Variants in DNAI4 observed in about 807,000 individuals in gnomAD.
DNAI4 encodes the protein dynein axonemal intermediate chain 4.
Under a neutral mutation model 105.8 loss-of-function variants are expected in DNAI4, and 85 were observed. The observed-to-expected ratio is 0.80, with a 90% confidence interval of 0.67 to 0.96. The LOEUF (loss-of-function observed/expected upper bound fraction) is 0.96. Ranked by LOEUF, DNAI4 falls within the 40% of genes least tolerant of loss-of-function variation. The probability of loss-of-function intolerance (pLI) is 0.00; values close to 1 mark genes in which losing one functional copy is unlikely to be tolerated. For synonymous variants in DNAI4, 352 were observed against 331.5 expected (o/e 1.06, Z -0.67); for missense variants, 1,014 against 1,005.6 (o/e 1.01, Z -0.11).
intron 10 of DNAI4, among the ~76,000 whole-genome samples, chr1:66,836,595 G>C (rs1477421672): frequency 6.6e-6 from 1 of 152,158 alleles, no homozygotes. Context: ...TGTTTTGTTT[G>C]AATGTCTAAT....
chr1:66,890,866 GGAAGAAGAA>G lies in DNAI4; in HGVS notation c.643+279_643+287del, dbSNP rs56842115. On this transcript the variant is annotated intron_variant, in intron 4 of 16. Coordinates refer to ENST00000371026, the MANE Select transcript of DNAI4 (RefSeq NM_024763.5). The surrounding 1 kb of genome is among the most constrained non-coding windows in gnomAD (Gnocchi z 4.1). ...AGGAAGAGGAAGAAGAAGAGGAAGA[GGAAGAAGAA>G]GAAGAAGAAGCAGAAGCAGCAGCAG... 4.8e-6 allele frequency: 2 copies of G among 414,782 alleles called. No homozygotes were observed. The highest frequency in any genetic ancestry group is 4.3e-5 in the African/African-American group (2 of 46,616). The allele number at this position is 414,782 out of a possible 1,614,324, so 25.7% of individuals were successfully genotyped here.
At chr1:66,827,774 A>C in intron 14 of DNAI4, 38 bp downstream of exon 14, 1 of 1,255,848 alleles carries the variant, frequency 8.0e-7, no homozygotes, top group Non-Finnish European at 1.1e-6. Flanking sequence ...TTTCAGAAAT[A>C]CAAAATAAAT....
intron 7 of DNAI4, among the ~76,000 whole-genome samples, chr1:66,858,458 A>C (rs933262857): frequency 3.4e-5 from 5 of 145,776 alleles, no homozygotes; most frequent in African/African-American, 1.3e-4. Flanking sequence ...GCGTGAACCC[A>C]GGAGGCCGGG....
intron 13 of DNAI4, chr1:66,828,374 T>C (rs1572601226): frequency 6.6e-6 from 1 of 152,344 alleles, no homozygotes; most frequent in East Asian, 1.9e-4. Flanking sequence ...TCTCCCAAAT[T>C]GGTATTACCA....
At chr1:66,910,380 G>C (rs1178001322) in intron 1 of DNAI4, among the ~76,000 whole-genome samples, 2 of 152,096 alleles carry the variant, frequency 1.3e-5, no homozygotes, top group Non-Finnish European at 2.9e-5. Flanking sequence ...CATCTTTCGT[G>C]ATCTCTTCCT....
chr1:66,823,207 T>C (rs1645672830), intron 15 of DNAI4, among the ~76,000 whole-genome samples: 2 of 142,280 alleles, frequency 1.4e-5, no homozygotes, highest in East Asian at 2.0e-4. Context: ...TGATTTCCAA[T>C]TTCATCCATG....
chr1:66,858,357 G>A (rs569198275), intron 7 of DNAI4, among the ~76,000 whole-genome samples: 1 of 150,748 alleles, frequency 6.6e-6, no homozygotes. Context: ...GTGAAACCCC[G>A]TCTCTACTAA....
rs559363237 is a variant in DNAI4, at chr1:66,862,064, A to C, written c.1096+83T>G. 1.3e-5 allele frequency: 17 copies of C among 1,346,280 alleles called. No homozygotes were observed. The East Asian group carries it at 4.2e-4, about 33-fold the overall frequency. The allele number at this position is 1,346,280 out of a possible 1,614,324, so 83.4% of individuals were successfully genotyped here. ...ACTTTTCATGGTCCATTAGAAAGAA[A>C]ACATTGTTAACTGCCAAAAAAGAAT... is the stretch of plus-strand genomic sequence containing the variant. On this transcript the variant is annotated intron_variant, in intron 7 of 16. Transcript: ENST00000371026.
intron 7 of DNAI4, among the ~76,000 whole-genome samples, chr1:66,851,923 A>G (rs1572650090): frequency 6.6e-6 from 1 of 151,946 alleles, no homozygotes; most frequent in Non-Finnish European, 1.5e-5. Flanking sequence ...GGAAGAAAAT[A>G]GAAGAGAAGT....
chr1:66,920,678 GC>G (rs1289646875), intron 1 of DNAI4, among the ~76,000 whole-genome samples: 1 of 152,126 alleles, frequency 6.6e-6, no homozygotes, highest in Non-Finnish European at 1.5e-5. Flanking sequence ...CCCTGCCAGC[GC>G]CTGCACACTC....
At chr1:66,868,654 G>A (rs1037450179) in intron 6 of DNAI4, among the ~76,000 whole-genome samples, 5 of 152,058 alleles carry the variant, frequency 3.3e-5, no homozygotes, top group Non-Finnish European at 7.4e-5. Flanking sequence ...AACTCTCAGG[G>A]CTTCAAACTA....
intron 15 of DNAI4, among the ~76,000 whole-genome samples, chr1:66,825,783 C>G (rs908269033): frequency 6.6e-6 from 1 of 152,130 alleles, no homozygotes; most frequent in Non-Finnish European, 1.5e-5. Context: ...TTTTGTAAAA[C>G]AAACCAGGAC....
chr1:66,908,008 T>G (rs972708167), intron 1 of DNAI4, among the ~76,000 whole-genome samples: 2 of 152,250 alleles, frequency 1.3e-5, no homozygotes, highest in African/African-American at 4.8e-5. Context: ...TATGGTTAGT[T>G]ACTTTAATTG....
chr1:66,916,235 A>T (rs973942121), intron 1 of DNAI4, among the ~76,000 whole-genome samples: 20 of 152,148 alleles, frequency 1.3e-4, no homozygotes, highest in South Asian at 6.2e-4. Context: ...GATTTATTTT[A>T]AAAAAAACTT....
chr1:66,862,142 C>A lies in DNAI4; in HGVS notation c.1096+5G>T, dbSNP rs372348094. 20 of 1,553,578 alleles carry A rather than the reference C, an allele frequency of 1.3e-5. No homozygotes were observed. The African/African-American group carries it at 2.5e-4, about 20-fold the overall frequency. On this transcript the variant is annotated splice_donor_5th_base_variant and intron_variant, in intron 7 of 16. Transcript: ENST00000371026. ...TCAAAAAAACTAAAATAAATGAAAT[C>A]TTACTTTTTTCTGTAGTGCTCCCTG...
intron 4 of DNAI4, among the ~76,000 whole-genome samples, chr1:66,886,835 G>A (rs961177217): frequency 6.6e-6 from 1 of 152,134 alleles, no homozygotes; most frequent in Admixed American, 6.6e-5. Context: ...CTTAAACGCT[G>A]TTATCTTTCC....
intron 2 of DNAI4, 191 bp downstream of exon 2, chr1:66,905,010 T>A (rs1649130223): frequency 2.3e-6 from 1 of 436,416 alleles, no homozygotes; most frequent in South Asian, 8.1e-5. Context: ...ATTCTTCTTA[T>A]CAATAACTAG....
chr1:66,837,176 C>T (rs1190590664), intron 10 of DNAI4, among the ~76,000 whole-genome samples: 1 of 151,964 alleles, frequency 6.6e-6, no homozygotes, highest in Non-Finnish European at 1.5e-5. Context: ...CCATCCTGGC[C>T]AACATTGTGA....
chr1:66,913,344 A>G (rs1649801508), intron 1 of DNAI4, among the ~76,000 whole-genome samples: 1 of 152,196 alleles, frequency 6.6e-6, no homozygotes, highest in Admixed American at 6.5e-5. Flanking sequence ...TCAAAGATGC[A>G]TTCTACAAAG....
Sources: gnomAD v4.1 joint callset for allele counts (sites outside exome capture counted in the v4.1 genomes callset) on GRCh38, gnomAD v4.1.1 for gene constraint, Gnocchi (gnomAD v3.1) non-coding constraint, MANE v1.5 for transcripts, NCBI Gene and HGNC (gene_info 2026-07-23, HGNC 2026-07-21) for gene names.